Variants in CNTN5 observed in about 807,000 individuals in gnomAD.
The protein encoded by CNTN5 is contactin 5, also known as contactin-5.
Under a neutral mutation model 129.1 loss-of-function variants are expected in CNTN5, and 77 were observed. The ratio of observed to expected loss-of-function variants is 0.60; its 90% CI spans 0.50 to 0.72. The LOEUF (loss-of-function observed/expected upper bound fraction) is 0.72. CNTN5 is among the 30% of genes least tolerant of loss of function. The pLI is 0.00. For missense variants in CNTN5, 1,478 were observed against 1,328.8 expected, an observed-to-expected ratio of 1.11 and a Z score of -1.75; for synonymous variants, 509 against 465.6, an observed-to-expected ratio of 1.09 and a Z score of -1.20.
At chr11:100,265,264 A>G (rs960097434) in intron 17 of CNTN5, among the ~76,000 whole-genome samples, 1 of 152,098 alleles carries the variant, frequency 6.6e-6, no homozygotes, top group Admixed American at 6.6e-5. Context: ...CATTTCTCCA[A>G]AACGCACCAT....
intron 2 of CNTN5, among the ~76,000 whole-genome samples, chr11:99,381,102 C>T (rs1452075209): frequency 1.8e-4 from 28 of 151,980 alleles, no homozygotes; most frequent in Admixed American, 1.8e-3. Flanking sequence ...AACTGCTTGT[C>T]CAAAAAGTGA....
Position 99,364,669 on chromosome 11 carries a change from ACT to A in CNTN5, c.-71+39189_-71+39190del, listed in dbSNP as rs565107034. On this transcript the variant is annotated intron_variant, in intron 2 of 24. Transcript: ENST00000524871. Reference sequence around the variant, plus strand: ...AAAAATTGATTGAAAATTTTAAAAAACTCTCCATTTATTTCATAAGAATAAGA... The same window carrying A: ...AAAAATTGATTGAAAATTTTAAAAAACTCCATTTATTTCATAAGAATAAGA... Among the ~76,000 whole-genome samples, 108 of 151,956 alleles carry A rather than the reference ACT, an allele frequency of 7.1e-4. 1 individual carries two copies. Among genetic ancestry groups the A allele is most frequent in the Non-Finnish European group, 6.9e-4 (47 of 67,958 alleles).
At chr11:99,948,238 G>A (rs971065640) in intron 7 of CNTN5, among the ~76,000 whole-genome samples, 5 of 152,206 alleles carry the variant, frequency 3.3e-5, no homozygotes, top group Non-Finnish European at 5.9e-5. Flanking sequence ...TGTAAGTGGA[G>A]ATGAGGAATA....
chr11:100,114,632 T>TA (rs1461788951), intron 13 of CNTN5, among the ~76,000 whole-genome samples: 1 of 152,088 alleles, frequency 6.6e-6, no homozygotes, highest in Admixed American at 6.6e-5. Flanking sequence ...AGCCCCTTCT[T>TA]ACAGAAGTTT....
intron 21 of CNTN5, among the ~76,000 whole-genome samples, chr11:100,312,917 T>A (rs192345571): frequency 0.01 from 1,571 of 152,038 alleles, 23 homozygotes; most frequent in South Asian, 0.039. Context: ...ACATTTTTTT[T>A]AAAAATCAAG....
At chr11:100,234,787 GAATTTAA>G (rs1470519136) in intron 16 of CNTN5, among the ~76,000 whole-genome samples, 1 of 73,528 alleles carries the variant, frequency 1.4e-5, no homozygotes, top group Non-Finnish European at 2.6e-5. Context: ...ATGTATCCCA[GAATTTAA>G]AAAAAAAAAA....
intron 2 of CNTN5, among the ~76,000 whole-genome samples, chr11:99,523,947 C>A (rs771285439): frequency 1.3e-5 from 2 of 152,092 alleles, no homozygotes; most frequent in African/African-American, 4.8e-5. Flanking sequence ...CTCTGAATAG[C>A]CCAGACTACT....
chr11:100,070,614 C>A, intron 11 of CNTN5, 54 bp downstream of exon 11: 2 of 1,558,216 alleles, frequency 1.3e-6, no homozygotes, highest in Non-Finnish European at 1.8e-6. Flanking sequence ...AGATTTCACA[C>A]AGGACAAACT....
chr11:99,149,136 G>A (rs1226720064), intron 1 of CNTN5, among the ~76,000 whole-genome samples: 1 of 152,108 alleles, frequency 6.6e-6, no homozygotes, highest in Non-Finnish European at 1.5e-5. Context: ...AAATAAGGAT[G>A]AACATTTTAG....
At chr11:99,216,897 G>A (rs9705080) in intron 1 of CNTN5, among the ~76,000 whole-genome samples, 14,288 of 152,024 alleles carry the variant, frequency 0.094, 1,242 homozygotes, top group East Asian at 0.4. Context: ...AATAATTAAA[G>A]TATACGGCCA....
chr11:99,717,826 C>G (rs1943030784), intron 3 of CNTN5, among the ~76,000 whole-genome samples: 1 of 152,030 alleles, frequency 6.6e-6, no homozygotes, highest in South Asian at 2.1e-4. Flanking sequence ...GAACAGAATG[C>G]TTATCAAAAA....
chr11:99,269,618 ATATCT>A (rs1216084932), intron 1 of CNTN5, among the ~76,000 whole-genome samples: 2 of 151,978 alleles, frequency 1.3e-5, no homozygotes, highest in East Asian at 1.9e-4. Context: ...ATGTCCAGAG[ATATCT>A]TATATTAACA....
intron 4 of CNTN5, among the ~76,000 whole-genome samples, chr11:99,836,547 G>A (rs1215310595): frequency 6.6e-6 from 1 of 152,064 alleles, no homozygotes; most frequent in Non-Finnish European, 1.5e-5. Flanking sequence ...TATCATTGAT[G>A]GACATTTGGG....
chr11:99,933,895 GTA>G (rs999458233), intron 7 of CNTN5, among the ~76,000 whole-genome samples: 33 of 152,280 alleles, frequency 2.2e-4, no homozygotes, highest in Admixed American at 2.1e-3. Flanking sequence ...AAGTGAAGAG[GTA>G]TATGTCTTTG....
intron 18 of CNTN5, among the ~76,000 whole-genome samples, chr11:100,293,299 T>A (rs1039157921): frequency 6.6e-6 from 1 of 151,998 alleles, no homozygotes; most frequent in South Asian, 2.1e-4. Flanking sequence ...CAGAAAATTC[T>A]TACATTTCCT....
chr11:99,980,929 TA>T lies in CNTN5; in HGVS notation c.878-21102del, dbSNP rs527393414. On this transcript the variant is annotated intron_variant, in intron 8 of 24. Transcript: ENST00000524871. Reference sequence around the variant, plus strand: ...TAAAATACCTTTAATGATTGAAGTATAAACAGAAAAGCAATATATTAAAGGG... The same window carrying T: ...TAAAATACCTTTAATGATTGAAGTATAACAGAAAAGCAATATATTAAAGGG... 1.2e-3 allele frequency among the ~76,000 whole-genome samples: 186 copies of T among 151,818 alleles called. 1 individual carries two copies. Among genetic ancestry groups the T allele is most frequent in the African/African-American group, 4.4e-3 (184 of 41,516 alleles).
At chr11:99,508,346 A>C (rs1946702089) in intron 2 of CNTN5, among the ~76,000 whole-genome samples, 1 of 152,150 alleles carries the variant, frequency 6.6e-6, no homozygotes, top group Non-Finnish European at 1.5e-5. Flanking sequence ...AAAATATTTT[A>C]TAATTTTAAA....
chr11:99,866,158 C>A (rs935411805), intron 6 of CNTN5, among the ~76,000 whole-genome samples: 3 of 152,038 alleles, frequency 2.0e-5, no homozygotes, highest in African/African-American at 7.2e-5. Context: ...GGGTGTTTTC[C>A]AAGTGACTTG....
chr11:100,129,839 T>TTGTGTGTGTG (rs71305308), intron 13 of CNTN5, among the ~76,000 whole-genome samples: 1 of 150,748 alleles, frequency 6.6e-6, no homozygotes. Flanking sequence ...GTGTGTGTGT[T>TTGTGTGTGTG]TGTGTGTGTG....
Sources: gnomAD v4.1 joint callset for allele counts (sites outside exome capture counted in the v4.1 genomes callset) on GRCh38, gnomAD v4.1.1 for gene constraint, MANE v1.5 for transcripts, NCBI Gene and HGNC (gene_info 2026-07-23, HGNC 2026-07-21) for gene names.